Variants in AFF2 observed in about 807,000 individuals in gnomAD.
AFF2 encodes the protein AF4/FMR2 family member 2.
Under a neutral mutation model 76.9 loss-of-function variants are expected in AFF2, and 14 were observed. The ratio of observed to expected loss-of-function variants is 0.18; its 90% confidence interval spans 0.12 to 0.28. The LOEUF is 0.28. AFF2 is among the 10% of genes least tolerant of loss of function. The probability of loss-of-function intolerance (pLI) is 1.00; values close to 1 mark genes in which losing one functional copy is unlikely to be tolerated. For missense variants in AFF2, 868 were observed against 1,001.1 expected (o/e 0.87, Z 1.79); for synonymous variants, 398 against 366.7 (o/e 1.09, Z -0.98).
chrX:148,884,937 C>T (rs1371815665), intron 7 of AFF2, among the ~76,000 whole-genome samples: 1 of 111,666 alleles, frequency 9.0e-6, no homozygotes, highest in Non-Finnish European at 1.9e-5. Flanking sequence ...AGCCTAGATG[C>T]AAGAAAGAGC....
rs112621411 is a variant in AFF2, at chrX:148,594,514, AT to A, written c.48-57473del. On this transcript the variant is annotated intron_variant, in intron 1 of 20. Coordinates refer to ENST00000370460, the MANE Select transcript of AFF2 (RefSeq NM_002025.4). ...AACCACACCAAAACTACAATAAGGGATTTTTTTTTTTTAAAGAAACTCAAAA... is the reference window on the plus strand; with the variant it reads ...AACCACACCAAAACTACAATAAGGGATTTTTTTTTTTAAAGAAACTCAAAA... Among the ~76,000 whole-genome samples, 641 of 104,965 alleles carry A rather than the reference AT, an allele frequency of 6.1e-3. 3 individuals carry two copies. Among genetic ancestry groups the A allele is most frequent in the Middle Eastern group, 9.8e-3 (2 of 204 alleles). The allele number at this position is 104,965 out of a possible 115,157, so 91.1% of individuals were successfully genotyped here. A position where few individuals can be genotyped will look rare whatever the true frequency, so the allele number is the denominator to read the frequency against.
intron 1 of AFF2, among the ~76,000 whole-genome samples, chrX:148,568,470 GC>G (rs1317032513): frequency 8.9e-6 from 1 of 111,946 alleles, no homozygotes; most frequent in Non-Finnish European, 1.9e-5. Flanking sequence ...CTTTTCTAAA[GC>G]CTAATCAGTA....
At chrX:148,866,947 C>A (rs2070914576) in intron 7 of AFF2, among the ~76,000 whole-genome samples, 1 of 111,853 alleles carries the variant, frequency 8.9e-6, no homozygotes. Context: ...ATTCGATATC[C>A]AGAACTAGAT....
chrX:148,525,081 T>C (rs188471029), intron 1 of AFF2, among the ~76,000 whole-genome samples: 16 of 112,235 alleles, frequency 1.4e-4, no homozygotes, highest in African/African-American at 4.8e-4. Context: ...AAAATAATTA[T>C]AGTAATATTT....
At chrX:148,830,200 T>C (rs1395518551) in intron 4 of AFF2, among the ~76,000 whole-genome samples, 2 of 111,965 alleles carry the variant, frequency 1.8e-5, no homozygotes, top group Non-Finnish European at 3.8e-5. Flanking sequence ...TAAGGGAATT[T>C]CGTTTGGAAC....
At chrX:148,865,955 C>T (rs1256670048) in intron 7 of AFF2, among the ~76,000 whole-genome samples, 2 of 111,722 alleles carry the variant, frequency 1.8e-5, no homozygotes, top group Non-Finnish European at 3.8e-5. Flanking sequence ...CTCGATAAAA[C>T]GAGTTGGGCA....
intron 4 of AFF2, among the ~76,000 whole-genome samples, chrX:148,814,907 TATC>T (rs1439777330): frequency 1.8e-5 from 2 of 111,860 alleles, no homozygotes. Flanking sequence ...TTGATTATAT[TATC>T]ATAACTATGC....
intron 7 of AFF2, 125 bp from the exon 8 acceptor site, chrX:148,885,764 C>T (rs2071150839): frequency 1.0e-5 from 6 of 582,025 alleles, no homozygotes; most frequent in South Asian, 2.6e-5. Flanking sequence ...GTTCCCTCTA[C>T]ACCTTTGAAG....
intron 8 of AFF2, among the ~76,000 whole-genome samples, chrX:148,900,415 C>G (rs782099619): frequency 8.9e-6 from 1 of 111,878 alleles, no homozygotes; most frequent in South Asian, 3.7e-4. Flanking sequence ...GTGAGCAAAT[C>G]TGAGCCTGTC....
At position 148,977,976 on chromosome X, in the gene AFF2, G is replaced by T. The variant is rs781818996; in HGVS notation, c.3448G>T (p.Asp1150Tyr). The change falls in exon 17 of 21, where the codon GAT becomes TAT. Residue 1150 changes from aspartate (D) to tyrosine (Y), a missense_variant. Transcript: ENST00000370460. ...GAACTTTGCAAGTCCCTTGGCTTCGGATGGGGACAAAAAGCTAGCAGTACT... is the reference window on the plus strand; with the variant it reads ...GAACTTTGCAAGTCCCTTGGCTTCGTATGGGGACAAAAAGCTAGCAGTACT... The part of the protein sequence containing the change: ...LKNFASPLAS[D>Y]GDKKLAVLCY... 8 of 1,205,167 alleles carry T rather than the reference G, an allele frequency of 6.6e-6. No homozygotes were observed. The highest frequency in any genetic ancestry group is 9.0e-6 in the Non-Finnish European group (8 of 890,867).
chrX:148,522,838 C>T (rs2052616146), intron 1 of AFF2, among the ~76,000 whole-genome samples: 1 of 112,315 alleles, frequency 8.9e-6, no homozygotes, highest in Admixed American at 9.4e-5. Context: ...CAACTAAAGC[C>T]TTCTGGCACA....
intron 1 of AFF2, among the ~76,000 whole-genome samples, chrX:148,617,631 T>A (rs374797248): frequency 1.0e-3 from 114 of 112,655 alleles, no homozygotes; most frequent in Middle Eastern, 4.6e-3. Flanking sequence ...GTTTTAGACA[T>A]GAAGTCCTTG....
In AFF2 at chrX:148,541,429, G is replaced by A. The variant is rs782297841; in HGVS notation, c.47+40285G>A. Among the ~76,000 whole-genome samples the A allele has an allele frequency of 5.6e-4, 63 of 111,617 alleles. 2 individuals are homozygous for A. The Middle Eastern group carries it at 0.023, about 40-fold the overall frequency. ...TGTGACTATGATGGATGTGACAAGG[G>A]CCTCTATTATTCGCTGGGGAGTGTG... On this transcript the variant is annotated intron_variant, in intron 1 of 20. Transcript: ENST00000370460.
chrX:148,982,959 T>C (rs782566787), intron 19 of AFF2, among the ~76,000 whole-genome samples: 6 of 112,511 alleles, frequency 5.3e-5, no homozygotes, highest in Non-Finnish European at 9.4e-5. Context: ...CAATTACATA[T>C]AATTTTTGAA....
chrX:148,936,439 G>A, intron 9 of AFF2, among the ~76,000 whole-genome samples: 1 of 112,092 alleles, frequency 8.9e-6, no homozygotes, highest in Non-Finnish European at 1.9e-5. Flanking sequence ...TCATGCCTTT[G>A]CAAAGGGACA....
At chrX:148,509,094 GGA>G (rs1317259784) in intron 1 of AFF2, among the ~76,000 whole-genome samples, 2 of 111,510 alleles carry the variant, frequency 1.8e-5, no homozygotes, top group African/African-American at 6.5e-5. Context: ...TCATTTTTAG[GGA>G]GAGATGAAAG....
rs781875408 is a variant in AFF2 at position 148,617,279 on chromosome X, G to A, written c.48-34720G>A. Among the ~76,000 whole-genome samples, 45 of 112,082 alleles carry A rather than the reference G, an allele frequency of 4.0e-4. 1 individual carries two copies. The Admixed American group carries it at 4.1e-3, about 10-fold the overall frequency. On this transcript the variant is annotated intron_variant, in intron 1 of 20. Coordinates refer to ENST00000370460, the MANE Select transcript of AFF2 (RefSeq NM_002025.4). ...ATGATCGCCATTCTAACCGGTGTGA[G>A]ATGGTATCTCATTGTGGTTTTGATT...
intron 1 of AFF2, among the ~76,000 whole-genome samples, chrX:148,617,751 C>T (rs1306709130): frequency 8.9e-6 from 1 of 112,405 alleles, no homozygotes; most frequent in Non-Finnish European, 1.9e-5. Context: ...TCGATAGAAT[C>T]AGCGTGTAAG....
At chrX:148,688,902 T>A (rs782645791) in intron 3 of AFF2, among the ~76,000 whole-genome samples, 4 of 112,049 alleles carry the variant, frequency 3.6e-5, no homozygotes, top group Admixed American at 9.4e-5. Flanking sequence ...AAAAATACAT[T>A]ATTATAATCT....
Sources: gnomAD v4.1 joint callset for allele counts (sites outside exome capture counted in the v4.1 genomes callset) on GRCh38, gnomAD v4.1.1 for gene constraint, MANE v1.5 for transcripts, NCBI Gene and HGNC (gene_info 2026-07-23, HGNC 2026-07-21) for gene names.